FKBP7: variants seen among roughly 807,000 people sequenced by gnomAD.
FKBP7 encodes peptidyl-prolyl cis-trans isomerase FKBP7.
FKBP7 carries 24 observed loss-of-function variants against 24.3 expected under a neutral mutation model. That is an observed-to-expected ratio of 0.99 (90% CI 0.72 to 1.39). The LOEUF (loss-of-function observed/expected upper bound fraction) is 1.39. FKBP7 is among the 40% of genes most tolerant of loss of function. The pLI is 0.00. For missense variants in FKBP7, 257 were observed against 269.5 expected (o/e 0.95, Z 0.33); for synonymous variants, 98 against 92.8 (o/e 1.06, Z -0.32).
In FKBP7 at chr2:178,477,160, A is replaced by G. The variant is rs1260514581; in HGVS notation, c.275T>C (p.Val92Ala). ...PKWFVLGVGQ[V>A]IKGLDIAMTD... ...CATAGCAATGTCTAGGCCTTTTATG[A>G]CTTGCCCAACACCAAGAACAAACCA... is the stretch of plus-strand genomic sequence containing the variant. The change falls in exon 2 of 4, where the codon GTC (valine) becomes GCC (alanine). Residue 92 changes from valine to alanine, a missense_variant. By Grantham distance (64) the Val-to-Ala change is moderately conservative. Coordinates refer to ENST00000424785, the MANE Select transcript of FKBP7 (RefSeq NM_181342.3). 1 of 1,613,046 alleles carries G rather than the reference A, an allele frequency of 6.2e-7. No individual in the cohort carries two copies. The highest frequency in any genetic ancestry group is 8.5e-7 in the Non-Finnish European group (1 of 1,179,698).
At chr2:178,468,746 G>A (rs1041313059) in intron 3 of FKBP7, among the ~76,000 whole-genome samples, 6 of 152,076 alleles carry the variant, frequency 3.9e-5, no homozygotes, top group East Asian at 3.8e-4. Flanking sequence ...ATCTAAAAGC[G>A]AAGATGATGA....
intron 2 of FKBP7, among the ~76,000 whole-genome samples, chr2:178,476,026 T>C (rs1684989007): frequency 6.6e-6 from 1 of 152,228 alleles, no homozygotes; most frequent in South Asian, 2.1e-4. Flanking sequence ...TAAACCTACA[T>C]GTTCCAGTTT....
At chr2:178,469,608 T>A (rs369633263) in intron 3 of FKBP7, 44 bp downstream of exon 3, 2 of 1,605,084 alleles carry the variant, frequency 1.2e-6, no homozygotes, top group African/African-American at 2.7e-5. Flanking sequence ...ATTTAAACTG[T>A]GATAAAAAAA....
chr2:178,464,993 C>G lies in FKBP7; in HGVS notation c.*777G>C, dbSNP rs1684614582. ...TTTCATGGCATCAATTTAAAACTAT[C>G]AAGACAAAAGCTTGGGGTGGCAGAC... On this transcript the variant is annotated 3_prime_UTR_variant, in exon 4 of 4. Coordinates refer to ENST00000424785, the MANE Select transcript of FKBP7 (RefSeq NM_181342.3). 6.6e-6 allele frequency: 1 copy of G among 152,136 alleles called. No individual in the cohort carries two copies. Among genetic ancestry groups the G allele is most frequent in the Non-Finnish European group, 1.5e-5 (1 of 68,024 alleles). 9.4% of individuals were successfully genotyped at this position (152,136 alleles called of 1,614,324 possible).
At chr2:178,472,240 A>G (rs1684866629) in intron 2 of FKBP7, among the ~76,000 whole-genome samples, 1 of 151,572 alleles carries the variant, frequency 6.6e-6, no homozygotes, top group Admixed American at 6.6e-5. Context: ...ACACCCAGCT[A>G]TTTTTTGTAT....
At chr2:178,469,629 C>T in intron 3 of FKBP7, 23 bp downstream of exon 3, 11 of 1,612,388 alleles carry the variant, frequency 6.8e-6, no homozygotes, top group Non-Finnish European at 8.5e-6. Context: ...TTAGACTATA[C>T]ACATGAAATT....
intron 2 of FKBP7, chr2:178,473,259 A>T (rs1022993740): frequency 9.6e-6 from 4 of 415,826 alleles, no homozygotes; most frequent in African/African-American, 6.2e-5. Flanking sequence ...AACTTTTAAA[A>T]TAATGTAATC....
Position 178,469,699 on chromosome 2 carries a change from A to G in FKBP7, c.460T>C (p.Phe154Leu). The G allele has an allele frequency of 6.2e-7, 1 of 1,614,014 alleles. No homozygotes were observed. The highest frequency in any genetic ancestry group is 1.3e-5 in the African/African-American group (1 of 75,054). Residue 154 changes from phenylalanine to leucine, a missense_variant, in exon 3 of 4, where the codon TTT becomes CTT. Physicochemically the swap from Phe to Leu is conservative, Grantham distance 22. Transcript: ENST00000424785. ...TCATTGTCCATGTCTATTTGTTTAA[A>G]TGTCTCAATGCTCCGTGGTCCTTTG... Reference protein sequence around the residue: ...VTKGPRSIETFKQIDMDNDRQ... With the variant: ...VTKGPRSIETLKQIDMDNDRQ...
At chr2:178,473,193 A>T in intron 2 of FKBP7, 1 of 756,708 alleles carries the variant, frequency 1.3e-6, no homozygotes, top group South Asian at 1.4e-5. Flanking sequence ...CTTACTTTTA[A>T]ATGCTTATTT....
In FKBP7 at chr2:178,477,106, T is replaced by C; in HGVS notation, c.329A>G (p.Lys110Arg). Reference protein sequence around the residue: ...MTDMCPGEKRKVVIPPSFAYG... With the variant: ...MTDMCPGEKRRVVIPPSFAYG... ...TGCAAATGAAGGGGGTATAACTACT[T>C]TTCGCTTTTCTCCAGGGCACATATC... is the stretch of plus-strand genomic sequence containing the variant. Residue 110 changes from lysine (K) to arginine (R), a missense_variant, in exon 2 of 4, where the codon AAA becomes AGA. By Grantham distance (26) the Lys-to-Arg change is conservative. Transcript: ENST00000424785. 6 of 1,612,890 alleles carry C rather than the reference T, an allele frequency of 3.7e-6. No individual in the cohort carries two copies. The highest frequency in any genetic ancestry group is 4.2e-6 in the Non-Finnish European group (5 of 1,179,528).
Position 178,478,349 on chromosome 2 carries a change from T to C in FKBP7, c.151A>G (p.Lys51Glu). Residue 51 changes from lysine to glutamate, a missense_variant, in exon 1 of 4, where the codon AAG (lysine) becomes GAG (glutamate). Coordinates refer to ENST00000424785, the MANE Select transcript of FKBP7 (RefSeq NM_181342.3). Reference protein sequence around the residue: ...HRPENCSKTSKKGDLLNAHYD... With the variant: ...HRPENCSKTSEKGDLLNAHYD... ...TGGGCATTTAGTAGGTCTCCCTTCT[T>C]GCTTGTCTTAGAGCAGTTTTCTGGA... 2.5e-6 allele frequency: 4 copies of C among 1,614,216 alleles called. No individual in the cohort carries two copies. The South Asian group carries it at 3.3e-5, about 13-fold the overall frequency.
intron 3 of FKBP7, among the ~76,000 whole-genome samples, chr2:178,467,463 C>T (rs1300413706): frequency 6.6e-6 from 1 of 151,990 alleles, no homozygotes; most frequent in Non-Finnish European, 1.5e-5. Flanking sequence ...CGTGTTTCTA[C>T]TTCAGGCTTT....
Position 178,478,564 on chromosome 2 carries a change from C to T in FKBP7, c.-65G>A. 6.3e-7 allele frequency: 1 copy of T among 1,594,250 alleles called. No homozygotes were observed. Among genetic ancestry groups the T allele is most frequent in the East Asian group, 2.2e-5 (1 of 44,790 alleles). On this transcript the variant is annotated 5_prime_UTR_variant, in exon 1 of 4. Coordinates refer to ENST00000424785, the MANE Select transcript of FKBP7 (RefSeq NM_181342.3). ...TCGCGCCCCGTGGATGTCCCGCGGC[C>T]GAGTTCCGACGCGTGGCAGGCGTTG...
chr2:178,472,078 GT>G (rs1005052995), intron 2 of FKBP7, among the ~76,000 whole-genome samples: 434 of 135,358 alleles, frequency 3.2e-3, no homozygotes, highest in African/African-American at 8.7e-3. Context: ...TTTTCTTTTC[GT>G]TTTTTTTTTT....
At position 178,465,768 on chromosome 2, in the gene FKBP7, T is replaced by C; in HGVS notation, c.*2A>G. On this transcript the variant is annotated 3_prime_UTR_variant, in exon 4 of 4. Coordinates refer to ENST00000424785, the MANE Select transcript of FKBP7 (RefSeq NM_181342.3). ...AAAAAAAAAAGTAGAAATACAAATA[T>C]GCTATAGTTCATCGTGTTGGTATAC... 3.8e-6 allele frequency: 6 copies of C among 1,565,766 alleles called. No homozygotes were observed. Among genetic ancestry groups the C allele is most frequent in the Non-Finnish European group, 5.2e-6 (6 of 1,161,264 alleles).
intron 3 of FKBP7, among the ~76,000 whole-genome samples, chr2:178,466,631 T>TATCTCATTG (rs1424585518): frequency 8.5e-5 from 13 of 152,150 alleles, no homozygotes; most frequent in African/African-American, 3.1e-4. Flanking sequence ...TTCAAAAAGT[T>TATCTCATTG]ATCTCATTGA....
chr2:178,465,837 T>G lies in FKBP7; in HGVS notation c.602A>C (p.Asn201Thr), dbSNP rs1168068740. The change falls in exon 4 of 4, where the codon AAT (asparagine) becomes ACT (threonine). Residue 201 changes from asparagine (N) to threonine (T), a missense_variant. By Grantham distance (65) the Asn-to-Thr change is moderately conservative. Coordinates refer to ENST00000424785, the MANE Select transcript of FKBP7 (RefSeq NM_181342.3). ...AATGAAGCCATCACCATCATGGTCA[T>G]TCTTCTTAAAAATATCTTCTAAAAC... ...DAVLEDIFKK[N>T]DHDGDGFISP... The G allele has an allele frequency of 6.2e-7, 1 of 1,612,588 alleles. No individual in the cohort carries two copies. The highest frequency in any genetic ancestry group is 8.5e-7 in the Non-Finnish European group (1 of 1,179,326).
chr2:178,469,510 G>A, intron 3 of FKBP7, 142 bp downstream of exon 3: 1 of 853,560 alleles, frequency 1.2e-6, no homozygotes, highest in Non-Finnish European at 1.9e-6. Flanking sequence ...TAAGCGCTTA[G>A]ATTATTTTTT....
rs1450730436 is a variant in FKBP7, at chr2:178,469,634, G to C, written c.507+18C>G. On this transcript the variant is annotated intron_variant, in intron 3 of 3. Transcript: ENST00000424785. ...GATAAAAAAATTAGACTATACACATGAAATTGGTTTGAATTACCTCGGCTT... is the reference window on the plus strand; with the variant it reads ...GATAAAAAAATTAGACTATACACATCAAATTGGTTTGAATTACCTCGGCTT... The C allele has an allele frequency of 1.2e-6, 2 of 1,613,034 alleles. No individual in the cohort carries two copies. Among genetic ancestry groups the C allele is most frequent in the Admixed American group, 3.3e-5 (2 of 59,750 alleles).
Sources: gnomAD v4.1 joint callset for allele counts (sites outside exome capture counted in the v4.1 genomes callset) on GRCh38, gnomAD v4.1.1 for gene constraint, MANE v1.5 for transcripts, NCBI Gene and HGNC (gene_info 2026-07-23, HGNC 2026-07-21) for gene names.